Variants in ABLIM2 observed in about 807,000 individuals in gnomAD.
ABLIM2 encodes the protein actin binding LIM protein family member 2.
In ABLIM2, 53 loss-of-function variants were observed where a neutral mutation model predicts 97.7. The observed-to-expected ratio is 0.54, with a 90% CI of 0.44 to 0.68. ABLIM2 has a LOEUF of 0.68. Among genes scored for constraint, ABLIM2 ranks in the 30% least tolerant of loss-of-function variants. The pLI is 0.00. For synonymous variants in ABLIM2, 361 were observed against 345.8 expected (o/e 1.04, Z -0.49); for missense variants, 835 against 867.2 (o/e 0.96, Z 0.47).
intron 2 of ABLIM2, among the ~76,000 whole-genome samples, chr4:8,103,099 G>A (rs1006383374): frequency 4.6e-5 from 7 of 152,228 alleles, no homozygotes; most frequent in Non-Finnish European, 1.0e-4. Flanking sequence ...TGCAGTGTGG[G>A]AGAGGGAACA....
intron 19 of ABLIM2, 39 bp from the exon 20 acceptor site, chr4:7,983,383 A>G (rs752650225): frequency 1.3e-6 from 2 of 1,599,256 alleles, no homozygotes; most frequent in South Asian, 2.3e-5. Context: ...CTCACGAAGC[A>G]AGTGTATGCT....
chr4:7,967,232 T>C, intron 20 of ABLIM2, 129 bp from the exon 21 acceptor site: 1 of 756,832 alleles, frequency 1.3e-6, no homozygotes. Flanking sequence ...CTCAGCGTGC[T>C]CGGCCTCCTG....
chr4:8,073,820 G>C (rs1316341980), intron 6 of ABLIM2, among the ~76,000 whole-genome samples: 1 of 152,178 alleles, frequency 6.6e-6, no homozygotes, highest in Non-Finnish European at 1.5e-5. Context: ...GGGCATGGTG[G>C]CTCACGCCTG....
At chr4:7,989,072 CT>C (rs71175445) in intron 17 of ABLIM2, among the ~76,000 whole-genome samples, 3,118 of 81,316 alleles carry the variant, frequency 0.038, 30 homozygotes, top group African/African-American at 0.087. Flanking sequence ...ACACATTAGT[CT>C]TTTTTTTTTT....
At chr4:7,988,440 C>A (rs1746155526) in intron 17 of ABLIM2, among the ~76,000 whole-genome samples, 1 of 152,244 alleles carries the variant, frequency 6.6e-6, no homozygotes, top group African/African-American at 2.4e-5. Context: ...GATTAAATAA[C>A]TTGCCTGAGA....
Position 8,005,219 on chromosome 4 carries a change from C to T in ABLIM2, c.1618+2840G>A. 2.1e-6 allele frequency: 1 copy of T among 475,018 alleles called. No individual in the cohort carries two copies. Among genetic ancestry groups the T allele is most frequent in the Admixed American group, 2.1e-5 (1 of 47,662 alleles). The allele number at this position is 475,018 out of a possible 1,614,324, so 29.4% of individuals were successfully genotyped here. On this transcript the variant is annotated intron_variant, in intron 16 of 20. Coordinates refer to ENST00000447017, the MANE Select transcript of ABLIM2 (RefSeq NM_001130083.2). The surrounding 1 kb of genome is among the most constrained non-coding windows in gnomAD (Gnocchi z 4.9). The stretch of plus-strand genomic sequence containing the variant: ...GCTCGCTCTGTCGGCGTCTCTGCCT[C>T]TCTCAGCTCCCTGCACGCTTCTCCA...
intron 1 of ABLIM2, among the ~76,000 whole-genome samples, chr4:8,115,981 C>G: frequency 6.6e-6 from 1 of 152,206 alleles, no homozygotes; most frequent in East Asian, 1.9e-4. Flanking sequence ...GCAGAAGGAC[C>G]ACAGAAGTCC....
Position 8,008,092 on chromosome 4 carries a change from G to C in ABLIM2, c.1585C>G (p.Leu529Val). The stretch of plus-strand genomic sequence containing the variant: ...AAGCTGTCCCCTGCCATCCTTTGGA[G>C]AGGGTCTCTGTCGGTCCCGCTGCTG... ...SHSSGTDRDPLQRMAGDSFHS... is the reference protein window; with the variant it reads ...SHSSGTDRDPVQRMAGDSFHS... Residue 529 changes from leucine to valine, a missense_variant, in exon 16 of 21, where the codon CTC (leucine) becomes GTC (valine). Physicochemically the swap from Leu to Val is conservative, Grantham distance 32 (BLOSUM62 1). Transcript: ENST00000447017. 1.2e-6 allele frequency: 2 copies of C among 1,614,068 alleles called. No homozygotes were observed. The highest frequency in any genetic ancestry group is 1.7e-6 in the Non-Finnish European group (2 of 1,179,906).
chr4:7,983,341 A>G lies in ABLIM2; in HGVS notation c.1747T>C (p.Tyr583His). 1 of 1,611,776 alleles carries G rather than the reference A, an allele frequency of 6.2e-7. No homozygotes were observed. The highest frequency in any genetic ancestry group is 8.5e-7 in the Non-Finnish European group (1 of 1,179,204). The change falls in exon 20 of 21, where the codon TAT (tyrosine) becomes CAT (histidine). Residue 583 changes from tyrosine to histidine, a missense_variant. Coordinates refer to ENST00000447017, the MANE Select transcript of ABLIM2 (RefSeq NM_001130083.2). Reference protein sequence around the residue: ...ASWGMREYKIYPYDSLIVTNR... With the variant: ...ASWGMREYKIHPYDSLIVTNR... ...GTGACGATGAGGGAGTCATACGGAT[A>G]GATCTGTTGGGGGAGGAAACCACAG...
chr4:8,066,802 G>A (rs960787551), intron 6 of ABLIM2: 5 of 152,184 alleles, frequency 3.3e-5, no homozygotes, highest in South Asian at 2.1e-4. Flanking sequence ...TCGGGGTGAC[G>A]AAAAAGTTTT....
chr4:8,118,004 C>T (rs976373606), intron 1 of ABLIM2, among the ~76,000 whole-genome samples: 1 of 152,192 alleles, frequency 6.6e-6, no homozygotes, highest in African/African-American at 2.4e-5. Flanking sequence ...GAAGAGGAGC[C>T]CTGGTGATTT....
At position 8,004,439 on chromosome 4, in the gene ABLIM2, G is replaced by T. The variant is rs1235955469; in HGVS notation, c.1618+3620C>A. Among the ~76,000 whole-genome samples, 1 of 152,176 alleles carries T rather than the reference G, an allele frequency of 6.6e-6. No homozygotes were observed. The highest frequency in any genetic ancestry group is 6.5e-5 in the Admixed American group (1 of 15,278). On this transcript the variant is annotated intron_variant, in intron 16 of 20. Transcript: ENST00000447017. The surrounding 1 kb of genome is among the most constrained non-coding windows in gnomAD (Gnocchi z 5.9). The stretch of plus-strand genomic sequence containing the variant: ...CCTCTCACACATGCCTCATGTGCTG[G>T]GATTGGAGGAAAGGGTCTTATTCCC...
chr4:8,017,322 T>G (rs1423374831), intron 14 of ABLIM2, among the ~76,000 whole-genome samples: 1 of 150,828 alleles, frequency 6.6e-6, no homozygotes, highest in Non-Finnish European at 1.5e-5. Context: ...TCAGAGAGAG[T>G]CTCACTCTGT....
intron 1 of ABLIM2, among the ~76,000 whole-genome samples, chr4:8,107,674 G>A (rs994948593): frequency 2.6e-5 from 4 of 152,240 alleles, no homozygotes; most frequent in Non-Finnish European, 4.4e-5. Flanking sequence ...TCTGTAGCTA[G>A]TGCTGCAGTC....
At chr4:8,136,026 C>T (rs537551652) in intron 1 of ABLIM2, among the ~76,000 whole-genome samples, 33 of 152,362 alleles carry the variant, frequency 2.2e-4, no homozygotes, top group African/African-American at 7.0e-4. Flanking sequence ...GCAGCAGAAT[C>T]TCCACCAGCC....
intron 7 of ABLIM2, among the ~76,000 whole-genome samples, chr4:8,055,918 G>A (rs1230327409): frequency 6.6e-6 from 1 of 152,038 alleles, no homozygotes; most frequent in Non-Finnish European, 1.5e-5. Flanking sequence ...TTTAAGACCA[G>A]CCTGGCCAAC....
intron 14 of ABLIM2, among the ~76,000 whole-genome samples, chr4:8,012,281 CATCT>C (rs1016244320): frequency 2.0e-5 from 3 of 151,838 alleles, no homozygotes; most frequent in African/African-American, 2.4e-5. Flanking sequence ...ACCACCCATC[CATCT>C]AACCATCCAT....
In ABLIM2 at chr4:8,069,465, G is replaced by T. The variant is rs549897990; in HGVS notation, c.675+8163C>A. Among the ~76,000 whole-genome samples, 2 of 152,360 alleles carry T rather than the reference G, an allele frequency of 1.3e-5. No individual in the cohort carries two copies. Among genetic ancestry groups the T allele is most frequent in the South Asian group, 4.1e-4 (2 of 4,828 alleles). On this transcript the variant is annotated intron_variant, in intron 6 of 20. Transcript: ENST00000447017. This position sits in a 1 kb window ranked among gnomAD's most constrained non-coding sequence, Gnocchi z 4.2. ...GACCAGGGGACGCAAGGGAGGACAC[G>T]ACAGGCCAGCGTGGAAGGGTAGGAC... is the stretch of plus-strand genomic sequence containing the variant.
At chr4:8,097,575 C>T (rs1181136085) in intron 2 of ABLIM2, among the ~76,000 whole-genome samples, 2 of 152,318 alleles carry the variant, frequency 1.3e-5, no homozygotes, top group Non-Finnish European at 1.5e-5. Context: ...CTCCCACCCT[C>T]GCTAGAGTGC....
Sources: gnomAD v4.1 joint callset for allele counts (sites outside exome capture counted in the v4.1 genomes callset) on GRCh38, gnomAD v4.1.1 for gene constraint, Gnocchi (gnomAD v3.1) non-coding constraint, MANE v1.5 for transcripts, NCBI Gene and HGNC (gene_info 2026-07-23, HGNC 2026-07-21) for gene names.